NECTIN1: variants seen among roughly 807,000 people sequenced by gnomAD.
NECTIN1 encodes nectin cell adhesion molecule 1, also known as nectin-1.
Under a neutral mutation model 48.0 loss-of-function variants are expected in NECTIN1, and 23 were observed. The ratio of observed to expected loss-of-function variants is 0.48; its 90% confidence interval spans 0.34 to 0.68. NECTIN1 has a LOEUF of 0.68. Among genes scored for constraint, NECTIN1 ranks in the 30% least tolerant of loss-of-function variants. The pLI is 0.01. For missense variants in NECTIN1, 591 were observed against 709.9 expected (o/e 0.83, Z 1.90); for synonymous variants, 270 against 288.9 (o/e 0.93, Z 0.66).
rs1169060765 is a variant in NECTIN1, at chr11:119,727,041, C to G, written c.79+1434G>C. On this transcript the variant is annotated intron_variant, in intron 1 of 5. Coordinates refer to ENST00000264025, the MANE Select transcript of NECTIN1 (RefSeq NM_002855.5). This position sits in a 1 kb window ranked among gnomAD's most constrained non-coding sequence, Gnocchi z 4.1. ...ACCCCCCACATCGAGCAGGGCAGCA[C>G]CCCAGGCTTCACGGGTGGAGGCACC... 1.3e-5 allele frequency among the ~76,000 whole-genome samples: 2 copies of G among 152,268 alleles called. No homozygotes were observed. Among genetic ancestry groups the G allele is most frequent in the Non-Finnish European group, 2.9e-5 (2 of 67,998 alleles).
chr11:119,696,365 C>T (rs1021777172), intron 1 of NECTIN1, among the ~76,000 whole-genome samples: 5 of 152,178 alleles, frequency 3.3e-5, no homozygotes, highest in African/African-American at 9.7e-5. Context: ...ACTTCAGCAT[C>T]GAAGAGCAGA....
chr11:119,693,144 CCT>C (rs1865289063), intron 1 of NECTIN1, among the ~76,000 whole-genome samples: 1 of 152,202 alleles, frequency 6.6e-6, no homozygotes, highest in Non-Finnish European at 1.5e-5. Context: ...CCATTCTTCC[CCT>C]GTTCCTCTTG....
intron 5 of NECTIN1, among the ~76,000 whole-genome samples, chr11:119,670,615 G>A (rs949553390): frequency 6.7e-6 from 1 of 149,016 alleles, no homozygotes; most frequent in Non-Finnish European, 1.5e-5. Flanking sequence ...TCTCCTCCAG[G>A]CCTTCTATTT....
At chr11:119,666,342 A>G (rs1864769786) in intron 5 of NECTIN1, among the ~76,000 whole-genome samples, 1 of 152,220 alleles carries the variant, frequency 6.6e-6, no homozygotes, top group Non-Finnish European at 1.5e-5. Flanking sequence ...ATGAGGAGGC[A>G]GGAAAGGTGA....
At chr11:119,680,599 C>A (rs976978521) in intron 1 of NECTIN1, among the ~76,000 whole-genome samples, 1 of 152,234 alleles carries the variant, frequency 6.6e-6, no homozygotes, top group South Asian at 2.1e-4. Flanking sequence ...CAGGCCAGGT[C>A]TCTAGGTCAC....
At chr11:119,725,622 TAGAG>T (rs915745790) in intron 1 of NECTIN1, among the ~76,000 whole-genome samples, 6 of 151,904 alleles carry the variant, frequency 3.9e-5, no homozygotes, top group African/African-American at 9.7e-5. Flanking sequence ...ATGTGAGAAA[TAGAG>T]AGAGAGGAAG....
chr11:119,652,772 T>C (rs2135533164), intron 5 of NECTIN1, among the ~76,000 whole-genome samples: 1 of 152,294 alleles, frequency 6.6e-6, no homozygotes, highest in Admixed American at 6.5e-5. Context: ...ACACTGATTG[T>C]ATCTACTAAC....
At chr11:119,708,120 T>A (rs144341299) in intron 1 of NECTIN1, among the ~76,000 whole-genome samples, 163 of 152,288 alleles carry the variant, frequency 1.1e-3, no homozygotes, top group African/African-American at 3.7e-3. Context: ...TGATTCTGTC[T>A]GAAGGTGACG....
Position 119,677,994 on chromosome 11 carries a change from A to G in NECTIN1, c.431-137T>C, listed in dbSNP as rs1864989938. On this transcript the variant is annotated intron_variant, in intron 2 of 5. Coordinates refer to ENST00000264025, the MANE Select transcript of NECTIN1 (RefSeq NM_002855.5). The surrounding 1 kb of genome is among the most constrained non-coding windows in gnomAD (Gnocchi z 5.4). ...CCCTGCCTCTCAGCTGTGCTGCACC[A>G]AAGACTGTCCCAGAACCTCTTGCAG... The G allele has an allele frequency of 3.6e-6, 3 of 842,300 alleles. No individual in the cohort carries two copies. The highest frequency in any genetic ancestry group is 1.4e-5 in the South Asian group (1 of 69,682). 52.2% of individuals were successfully genotyped at this position (842,300 alleles called of 1,614,324 possible). A position where few individuals can be genotyped will look rare whatever the true frequency, so the allele number is the denominator to read the frequency against.
chr11:119,648,193 T>TG (rs202136324), intron 5 of NECTIN1, among the ~76,000 whole-genome samples: 7 of 130,728 alleles, frequency 5.4e-5, no homozygotes, highest in Middle Eastern at 3.8e-3. Context: ...ATGGTGGTGG[T>TG]GTGATGGTAC....
intron 1 of NECTIN1, among the ~76,000 whole-genome samples, chr11:119,726,848 G>T (rs1457944203): frequency 6.6e-6 from 1 of 152,136 alleles, no homozygotes; most frequent in Non-Finnish European, 1.5e-5. Flanking sequence ...TAATTGAAGG[G>T]TTCCTGGAAG....
At chr11:119,656,823 A>G (rs1864582325), downstream of NECTIN1, among the ~76,000 whole-genome samples, 1 of 152,150 alleles carries the variant, frequency 6.6e-6, no homozygotes, top group Non-Finnish European at 1.5e-5. Context: ...GGGAACTGCC[A>G]CCTTCCTTCA....
At chr11:119,693,416 AT>A (rs1412635925) in intron 1 of NECTIN1, among the ~76,000 whole-genome samples, 4 of 152,254 alleles carry the variant, frequency 2.6e-5, no homozygotes, top group Middle Eastern at 3.4e-3. Flanking sequence ...GTAAAATCTC[AT>A]TTAATCTTCA....
intron 4 of NECTIN1, chr11:119,676,820 C>G (rs541787554): frequency 2.1e-6 from 1 of 478,218 alleles, no homozygotes; most frequent in Non-Finnish European, 3.8e-6. Flanking sequence ...CAAAGGAAAA[C>G]GACAAAACTC....
Position 119,727,548 on chromosome 11 carries a change from G to T in NECTIN1, c.79+927C>A, listed in dbSNP as rs1865930331. Among the ~76,000 whole-genome samples, 1 of 152,312 alleles carries T rather than the reference G, an allele frequency of 6.6e-6. No individual in the cohort carries two copies. Among genetic ancestry groups the T allele is most frequent in the East Asian group, 1.9e-4 (1 of 5,166 alleles). The stretch of plus-strand genomic sequence containing the variant: ...GGGACACAAAGGGTTAAATCCAGGC[G>T]AGGGGACTCGGTCGGATTTGCCTCC... On this transcript the variant is annotated intron_variant, in intron 1 of 5. Coordinates refer to ENST00000264025, the MANE Select transcript of NECTIN1 (RefSeq NM_002855.5). This position sits in a 1 kb window ranked among gnomAD's most constrained non-coding sequence, Gnocchi z 4.1.
At chr11:119,697,073 C>T (rs532816350) in intron 1 of NECTIN1, among the ~76,000 whole-genome samples, 2 of 152,066 alleles carry the variant, frequency 1.3e-5, no homozygotes, top group African/African-American at 2.4e-5. Context: ...GGGCAGCCTG[C>T]GAGCAGCTCA....
chr11:119,655,453 G>A (rs1254080362), intron 5 of NECTIN1, among the ~76,000 whole-genome samples: 1 of 152,144 alleles, frequency 6.6e-6, no homozygotes, highest in Non-Finnish European at 1.5e-5. Flanking sequence ...GTTTGATGTT[G>A]GTGTGAGGGC....
intron 1 of NECTIN1, among the ~76,000 whole-genome samples, chr11:119,707,763 T>A (rs186008937): frequency 6.6e-6 from 1 of 152,382 alleles, no homozygotes; most frequent in East Asian, 1.9e-4. Flanking sequence ...CTTCCAGCCC[T>A]GATTTGATAA....
chr11:119,674,683 A>C, intron 5 of NECTIN1: 3 of 1,614,198 alleles, frequency 1.9e-6, no homozygotes, highest in Non-Finnish European at 2.5e-6. Flanking sequence ...CACACAAAGC[A>C]CTATGGCTTT....
Sources: gnomAD v4.1 joint callset for allele counts (sites outside exome capture counted in the v4.1 genomes callset) on GRCh38, gnomAD v4.1.1 for gene constraint, Gnocchi (gnomAD v3.1) non-coding constraint, MANE v1.5 for transcripts, NCBI Gene and HGNC (gene_info 2026-07-23, HGNC 2026-07-21) for gene names.